SRL: variants seen among roughly 807,000 people sequenced by gnomAD.
SRL encodes the protein sarcalumenin.
A neutral mutation model predicts 39.5 loss-of-function variants in SRL; 23 were observed. That is an observed-to-expected ratio of 0.58 (90% CI 0.42 to 0.82). SRL has a LOEUF of 0.82. SRL is among the 40% of genes least tolerant of loss of function. The pLI, the probability that SRL is intolerant of heterozygous loss-of-function variation, is 0.00. For missense variants in SRL, 592 were observed against 607.8 expected, an observed-to-expected ratio of 0.97 and a Z score of 0.27; for synonymous variants, 272 against 237.4, an observed-to-expected ratio of 1.15 and a Z score of -1.34.
At chr16:4,209,236 G>T (rs560201679) in intron 1 of SRL, among the ~76,000 whole-genome samples, 1 of 151,936 alleles carries the variant, frequency 6.6e-6, no homozygotes, top group Non-Finnish European at 1.5e-5. Flanking sequence ...TCGCGCCACT[G>T]CACTCCAGGC....
At chr16:4,207,166 C>T (rs1205317968) in intron 1 of SRL, 1 of 456,778 alleles carries the variant, frequency 2.2e-6, no homozygotes, top group East Asian at 6.9e-5. Flanking sequence ...TCGCCGCTGT[C>T]CTCTTCGGAC....
intron 3 of SRL, among the ~76,000 whole-genome samples, chr16:4,198,905 G>C (rs1299955976): frequency 6.6e-6 from 1 of 152,214 alleles, no homozygotes; most frequent in Non-Finnish European, 1.5e-5. Flanking sequence ...CTCCAGGTGG[G>C]TCCCTAAGAG....
chr16:4,241,690 G>A (rs886571526), intron 1 of SRL, among the ~76,000 whole-genome samples: 13 of 152,026 alleles, frequency 8.6e-5, no homozygotes, highest in South Asian at 8.3e-4. Flanking sequence ...AGGCTCCCCC[G>A]TCTCGACTTT....
In SRL at chr16:4,189,892, G is replaced by A. The variant is rs905227920; in HGVS notation, c.*2261C>T. 2 of 176,956 alleles carry A rather than the reference G, an allele frequency of 1.1e-5. No individual in the cohort carries two copies. Among genetic ancestry groups the A allele is most frequent in the Admixed American group, 6.3e-5 (1 of 15,896 alleles). The allele number at this position is 176,956 out of a possible 1,614,324, so 11.0% of individuals were successfully genotyped here. On this transcript the variant is annotated 3_prime_UTR_variant, in exon 6 of 6. Coordinates refer to ENST00000399609, the MANE Select transcript of SRL (RefSeq NM_001098814.2). Reference sequence around the variant, plus strand: ...CCAAAGCAGCTCACAGCATGGAGGAGCAGGCAGGGGAAAGTGGGAGGGCCC... The same window carrying A: ...CCAAAGCAGCTCACAGCATGGAGGAACAGGCAGGGGAAAGTGGGAGGGCCC...
rs557750059 is a variant in SRL at position 4,222,962 on chromosome 16, G to A, written c.62-18328C>T. The stretch of plus-strand genomic sequence containing the variant: ...CACAAAAATTAGGCTGAGTGCGGTG[G>A]CTCATGCCTGTAATCCCAGCACTTT... On this transcript the variant is annotated intron_variant, in intron 1 of 5. Coordinates refer to ENST00000399609, the MANE Select transcript of SRL (RefSeq NM_001098814.2). 5.3e-5 allele frequency among the ~76,000 whole-genome samples: 8 copies of A among 152,238 alleles called. No individual in the cohort carries two copies. In the East Asian group the frequency reaches 9.7e-4, roughly 18 times the overall value.
At chr16:4,209,850 T>A (rs2141041451) in intron 1 of SRL, among the ~76,000 whole-genome samples, 1 of 152,318 alleles carries the variant, frequency 6.6e-6, no homozygotes. Context: ...CTGCCCTAGA[T>A]ACATCACCAC....
intron 1 of SRL, chr16:4,207,721 T>C: frequency 2.4e-6 from 1 of 412,426 alleles, no homozygotes; most frequent in Non-Finnish European, 4.8e-6. Flanking sequence ...TCTCCAGAAC[T>C]GGGCTCCGGC....
At chr16:4,210,484 ATCTT>A (rs768517625) in intron 1 of SRL, among the ~76,000 whole-genome samples, 1 of 68,790 alleles carries the variant, frequency 1.5e-5, no homozygotes, top group Admixed American at 1.9e-4. Flanking sequence ...TATTACTCAT[ATCTT>A]TTTTTTTTTT....
chr16:4,217,251 A>T (rs1200478535), intron 1 of SRL, among the ~76,000 whole-genome samples: 1 of 150,824 alleles, frequency 6.6e-6, no homozygotes, highest in Non-Finnish European at 1.5e-5. Flanking sequence ...TCTGCCCCTT[A>T]CTCTTTTTCT....
chr16:4,241,673 G>A (rs1318966995), intron 1 of SRL, among the ~76,000 whole-genome samples: 4 of 152,058 alleles, frequency 2.6e-5, no homozygotes, highest in African/African-American at 7.2e-5. Flanking sequence ...TATTTTGTCC[G>A]TCTCAGAGGC....
chr16:4,196,117 T>G (rs1184468725), intron 4 of SRL, among the ~76,000 whole-genome samples: 1 of 152,006 alleles, frequency 6.6e-6, no homozygotes, highest in Admixed American at 6.6e-5. Flanking sequence ...CTCGCCACCA[T>G]GCCTGGCTAA....
chr16:4,189,903 A>C lies in SRL; in HGVS notation c.*2250T>G, dbSNP rs907329523. ...CACAGCATGGAGGAGCAGGCAGGGG[A>C]AAGTGGGAGGGCCCATCCCCCAAGA... On this transcript the variant is annotated 3_prime_UTR_variant, in exon 6 of 6. Coordinates refer to ENST00000399609, the MANE Select transcript of SRL (RefSeq NM_001098814.2). 8 of 181,090 alleles carry C rather than the reference A, an allele frequency of 4.4e-5. No homozygotes were observed. Among genetic ancestry groups the C allele is most frequent in the Admixed American group, 6.2e-5 (1 of 16,018 alleles). The allele number at this position is 181,090 out of a possible 1,614,324, so 11.2% of individuals were successfully genotyped here. A position where few individuals can be genotyped will look rare whatever the true frequency, so the allele number is the denominator to read the frequency against.
At chr16:4,203,357 C>T in intron 2 of SRL, 96 bp from the exon 3 acceptor site, 1 of 976,108 alleles carries the variant, frequency 1.0e-6, no homozygotes, top group Admixed American at 1.9e-5. Context: ...GGCAGCTCCA[C>T]CCCTGCCTGG....
chr16:4,197,421 CTTT>C (rs71139621), intron 4 of SRL, among the ~76,000 whole-genome samples: 2 of 107,564 alleles, frequency 1.9e-5, no homozygotes, highest in African/African-American at 3.8e-5. Flanking sequence ...CTTTTCTTTC[CTTT>C]TTTTTTTTTT....
chr16:4,217,616 T>G lies in SRL; in HGVS notation c.62-12982A>C, dbSNP rs911154036. On this transcript the variant is annotated intron_variant, in intron 1 of 5. Coordinates refer to ENST00000399609, the MANE Select transcript of SRL (RefSeq NM_001098814.2). ...TACTACCCAGCGAAGTAACCTTGGGTTGCTCCTTACTCCCTCTGCACACAA... is the reference window on the plus strand; with the variant it reads ...TACTACCCAGCGAAGTAACCTTGGGGTGCTCCTTACTCCCTCTGCACACAA... 3.9e-5 allele frequency among the ~76,000 whole-genome samples: 6 copies of G among 152,244 alleles called. No homozygotes were observed. In the East Asian group the frequency reaches 1.2e-3, roughly 29 times the overall value.
chr16:4,237,035 A>G (rs1278218715), intron 1 of SRL, among the ~76,000 whole-genome samples: 2 of 150,424 alleles, frequency 1.3e-5, no homozygotes, highest in African/African-American at 2.5e-5. Flanking sequence ...TCAGCCTACC[A>G]AGCTCAAGCG....
chr16:4,224,974 G>A (rs1239363947), intron 1 of SRL, among the ~76,000 whole-genome samples: 1 of 152,180 alleles, frequency 6.6e-6, no homozygotes, highest in African/African-American at 2.4e-5. Flanking sequence ...ACGGTGGTAA[G>A]TGAAAGAAGC....
intron 1 of SRL, among the ~76,000 whole-genome samples, chr16:4,215,332 T>C (rs188667817): frequency 1.4e-4 from 21 of 152,340 alleles, no homozygotes; most frequent in African/African-American, 4.3e-4. Context: ...CTGGGACAGC[T>C]TGTCCCTGGC....
intron 1 of SRL, among the ~76,000 whole-genome samples, chr16:4,229,834 G>A (rs893482121): frequency 2.6e-5 from 4 of 152,244 alleles, no homozygotes; most frequent in South Asian, 2.1e-4. Flanking sequence ...ATGAGGAGGT[G>A]CTTCCACATC....
Sources: allele counts gnomAD v4.1 joint callset (sites outside exome capture counted in the v4.1 genomes callset), GRCh38; gene constraint gnomAD v4.1.1; transcripts MANE v1.5; gene names NCBI Gene and HGNC (gene_info 2026-07-23, HGNC 2026-07-21).